Variants in BTG4 observed in about 807,000 individuals in gnomAD.
BTG4 encodes the protein protein BTG4.
A neutral mutation model predicts 19.3 loss-of-function variants in BTG4; 10 were observed. The ratio of observed to expected loss-of-function variants is 0.52; its 90% CI spans 0.32 to 0.88. BTG4 has a LOEUF of 0.88. BTG4 is among the 40% of genes least tolerant of loss of function. The pLI is 0.04. For synonymous variants in BTG4, 91 were observed against 95.7 expected, an observed-to-expected ratio of 0.95 and a Z score of 0.29; for missense variants, 238 against 281.9, an observed-to-expected ratio of 0.84 and a Z score of 1.11.
chr11:111,453,957 A>G, the BTG4 span, among the ~76,000 whole-genome samples: 1 of 152,248 alleles, frequency 6.6e-6, no homozygotes, highest in Admixed American at 6.5e-5. Flanking sequence ...GTCCTCAGAC[A>G]GCCACACTGG....
At chr11:111,425,732 G>C in the BTG4 span, among the ~76,000 whole-genome samples, 9 of 152,166 alleles carry the variant, frequency 5.9e-5, no homozygotes, top group African/African-American at 2.2e-4. Context: ...GGCAAGAAAA[G>C]CATCGAAATG....
At chr11:111,492,280 C>T (rs542166427), downstream of BTG4, among the ~76,000 whole-genome samples, 2 of 152,192 alleles carry the variant, frequency 1.3e-5, no homozygotes, top group African/African-American at 4.8e-5. Flanking sequence ...ATTAATAAAA[C>T]CCTCTGTGTA....
the BTG4 span, chr11:111,396,662 C>T: frequency 6.6e-6 from 1 of 152,300 alleles, no homozygotes; most frequent in Non-Finnish European, 1.5e-5. Flanking sequence ...CTGCCCACCT[C>T]CCAGCATCCT....
chr11:111,478,130 C>T (rs1322222155), intron 5 of BTG4, among the ~76,000 whole-genome samples: 1 of 152,128 alleles, frequency 6.6e-6, no homozygotes, highest in Non-Finnish European at 1.5e-5. Context: ...CCACCACCTC[C>T]CTGCTGTAGT....
At chr11:111,395,154 T>C in the BTG4 span, among the ~76,000 whole-genome samples, 1 of 152,226 alleles carries the variant, frequency 6.6e-6, no homozygotes, top group Non-Finnish European at 1.5e-5. Context: ...CAGGTGGGCT[T>C]GGCCATCCAG....
intron 5 of BTG4, among the ~76,000 whole-genome samples, chr11:111,478,312 C>G (rs758705525): frequency 2.0e-5 from 3 of 152,100 alleles, no homozygotes; most frequent in African/African-American, 4.8e-5. Context: ...AAGAGGGAAA[C>G]CCGGACTTTT....
At chr11:111,474,849 G>A (rs970673533) in intron 5 of BTG4, among the ~76,000 whole-genome samples, 1 of 152,084 alleles carries the variant, frequency 6.6e-6, no homozygotes, top group Non-Finnish European at 1.5e-5. Flanking sequence ...CTGGTGTGTG[G>A]TATCTCAATG....
chr11:111,420,883 T>A, the BTG4 span, among the ~76,000 whole-genome samples: 13 of 152,272 alleles, frequency 8.5e-5, no homozygotes, highest in East Asian at 2.1e-3. Flanking sequence ...CACTAATAAT[T>A]GTAATAAGTG....
chr11:111,406,339 G>C, the BTG4 span, among the ~76,000 whole-genome samples: 1 of 152,158 alleles, frequency 6.6e-6, no homozygotes, highest in Admixed American at 6.5e-5. Context: ...TGCATGCCTG[G>C]AGTCGGGGAT....
chr11:111,459,148 G>A, the BTG4 span, among the ~76,000 whole-genome samples: 147,194 of 152,156 alleles, frequency 0.97, 71,377 homozygotes, highest in Middle Eastern at 1. Context: ...AGGCTGAGGC[G>A]GGAGAATCGC....
At chr11:111,486,362 G>A (rs764857704) in intron 5 of BTG4, among the ~76,000 whole-genome samples, 4 of 152,106 alleles carry the variant, frequency 2.6e-5, no homozygotes, top group Non-Finnish European at 4.4e-5. Flanking sequence ...TTGAGCCTGG[G>A]AGGCAGAGGT....
At chr11:111,483,716 C>A (rs1170939134) in intron 5 of BTG4, among the ~76,000 whole-genome samples, 2 of 151,998 alleles carry the variant, frequency 1.3e-5, no homozygotes, top group African/African-American at 4.8e-5. Flanking sequence ...AGCACACCTA[C>A]AAGATCTAGA....
At chr11:111,433,723 C>G in the BTG4 span, among the ~76,000 whole-genome samples, 2 of 120,158 alleles carry the variant, frequency 1.7e-5, no homozygotes, top group Non-Finnish European at 3.6e-5. Context: ...AAAACAACCC[C>G]ATCAAAAAGT....
At chr11:111,392,093 C>T in the BTG4 span, among the ~76,000 whole-genome samples, 1 of 151,476 alleles carries the variant, frequency 6.6e-6, no homozygotes, top group Non-Finnish European at 1.5e-5. Context: ...AAATTACCTG[C>T]CTATGGTTAC....
the BTG4 span, among the ~76,000 whole-genome samples, chr11:111,421,529 G>T: frequency 6.6e-6 from 1 of 152,216 alleles, no homozygotes; most frequent in African/African-American, 2.4e-5. Context: ...ATTAACTGAT[G>T]TCTGCACCTT....
chr11:111,406,800 C>T, the BTG4 span, among the ~76,000 whole-genome samples: 6 of 152,196 alleles, frequency 3.9e-5, no homozygotes, highest in African/African-American at 1.4e-4. Flanking sequence ...TGAAGCAAGG[C>T]GTTGGTGGGA....
the BTG4 span, chr11:111,455,162 C>T: frequency 2.3e-6 from 1 of 435,258 alleles, no homozygotes; most frequent in Non-Finnish European, 4.7e-6. Context: ...GAGGTCCAGG[C>T]TCCCTCCCTT....
At chr11:111,400,996 C>CT in the BTG4 span, 1 of 124,586 alleles carries the variant, frequency 8.0e-6, no homozygotes, top group Non-Finnish European at 1.6e-5. Flanking sequence ...GAGCAGAGGA[C>CT]ACTAAAGAGA....
rs1864894394 is a variant in BTG4, at chr11:111,483,938, C to A, written c.662+11225G>T. Among the ~76,000 whole-genome samples, 3 of 151,950 alleles carry A rather than the reference C, an allele frequency of 2.0e-5. No individual in the cohort carries two copies. The South Asian group carries it at 6.2e-4, about 32-fold the overall frequency. ...TATCTCAAGGTATACAATAATGAAA[C>A]CCTTAAAGAACAAGGATAAAGAATC... On this transcript the variant is annotated intron_variant, in intron 5 of 5. Transcript: ENST00000356018.
Sources: allele counts gnomAD v4.1 joint callset (sites outside exome capture counted in the v4.1 genomes callset), GRCh38; gene constraint gnomAD v4.1.1; transcripts MANE v1.5; gene names NCBI Gene and HGNC (gene_info 2026-07-23, HGNC 2026-07-21).